EXOC6B: variants seen among roughly 807,000 people sequenced by gnomAD.
EXOC6B encodes the protein exocyst complex component 6B.
A neutral mutation model predicts 113.5 loss-of-function variants in EXOC6B; 54 were observed. That is an observed-to-expected ratio of 0.48 (90% CI 0.38 to 0.60). The LOEUF is 0.60. EXOC6B is among the 20% of genes least tolerant of loss of function. The pLI, the probability that EXOC6B is intolerant of heterozygous loss-of-function variation, is 0.00. For synonymous variants in EXOC6B, 357 were observed against 339.0 expected, an observed-to-expected ratio of 1.05 and a Z score of -0.58; for missense variants, 797 against 977.5, an observed-to-expected ratio of 0.82 and a Z score of 2.46.
chr2:72,492,288 C>T, intron 16 of EXOC6B, 30 bp downstream of exon 16: 1 of 1,399,108 alleles, frequency 7.1e-7, no homozygotes, highest in Non-Finnish European at 1.0e-6. Flanking sequence ...CACATACTGG[C>T]TCGGCTGCCT....
At chr2:72,555,294 T>C (rs1703477597) in intron 8 of EXOC6B, among the ~76,000 whole-genome samples, 1 of 152,232 alleles carries the variant, frequency 6.6e-6, no homozygotes, top group South Asian at 2.1e-4. Flanking sequence ...CTGGGTCAAA[T>C]GGTATTTCTA....
At chr2:72,647,438 C>A (rs912934719) in intron 6 of EXOC6B, among the ~76,000 whole-genome samples, 4 of 152,134 alleles carry the variant, frequency 2.6e-5, no homozygotes, top group African/African-American at 9.7e-5. Flanking sequence ...CTTTAAAGTT[C>A]ATATGGAACC....
At chr2:72,217,498 A>C (rs1680612754) in intron 20 of EXOC6B, among the ~76,000 whole-genome samples, 1 of 152,326 alleles carries the variant, frequency 6.6e-6, no homozygotes, top group African/African-American at 2.4e-5. Context: ...ACTGTGTGCA[A>C]GACTTTTTAT....
intron 8 of EXOC6B, among the ~76,000 whole-genome samples, chr2:72,522,394 T>C (rs1701540119): frequency 6.6e-6 from 1 of 152,202 alleles, no homozygotes; most frequent in Admixed American, 6.5e-5. Flanking sequence ...AATAACACAC[T>C]TCTCAGGCAA....
chr2:72,807,727 G>A (rs756818972), intron 1 of EXOC6B, among the ~76,000 whole-genome samples: 7 of 151,974 alleles, frequency 4.6e-5, no homozygotes, highest in East Asian at 1.9e-4. Context: ...ATTTATTTGC[G>A]GGATCTAAAA....
chr2:72,663,410 A>G (rs988226096), intron 6 of EXOC6B, among the ~76,000 whole-genome samples: 4 of 152,222 alleles, frequency 2.6e-5, no homozygotes, highest in Admixed American at 6.5e-5. Flanking sequence ...AGTTTTAGAA[A>G]TCGATAAAAA....
chr2:72,273,694 T>C (rs1052054780), intron 20 of EXOC6B, among the ~76,000 whole-genome samples: 4 of 152,092 alleles, frequency 2.6e-5, no homozygotes, highest in Non-Finnish European at 5.9e-5. Flanking sequence ...AAGAGAATGG[T>C]AGAAAATTAA....
chr2:72,238,268 T>C (rs1202221979), intron 20 of EXOC6B, among the ~76,000 whole-genome samples: 3 of 152,240 alleles, frequency 2.0e-5, no homozygotes, highest in Admixed American at 1.3e-4. Flanking sequence ...TGCTAAATAA[T>C]ATTTCATTGT....
chr2:72,241,897 C>T (rs1452817023), intron 20 of EXOC6B, among the ~76,000 whole-genome samples: 6 of 152,014 alleles, frequency 3.9e-5, no homozygotes, highest in Non-Finnish European at 8.8e-5. Context: ...TAATATTGGT[C>T]AGAAAAGTGG....
At chr2:72,810,649 G>A (rs1012641682) in intron 1 of EXOC6B, among the ~76,000 whole-genome samples, 10 of 151,938 alleles carry the variant, frequency 6.6e-5, no homozygotes, top group East Asian at 1.9e-4. Flanking sequence ...GAAAAACAAC[G>A]GAGAAAATCA....
At chr2:72,231,970 A>C (rs1476718308) in intron 20 of EXOC6B, among the ~76,000 whole-genome samples, 1 of 151,998 alleles carries the variant, frequency 6.6e-6, no homozygotes, top group African/African-American at 2.4e-5. Flanking sequence ...AAAGATGCAA[A>C]AAAAATTATA....
chr2:72,521,114 G>T (rs1247393693), intron 8 of EXOC6B, among the ~76,000 whole-genome samples: 1 of 152,182 alleles, frequency 6.6e-6, no homozygotes, highest in Admixed American at 6.5e-5. Flanking sequence ...GGGCCCTCAT[G>T]AATGGAATTG....
intron 18 of EXOC6B, among the ~76,000 whole-genome samples, chr2:72,458,606 G>T (rs1317400799): frequency 6.6e-6 from 1 of 152,034 alleles, no homozygotes; most frequent in Non-Finnish European, 1.5e-5. Flanking sequence ...CTGAGTGGTA[G>T]AATCAACTCT....
intron 1 of EXOC6B, among the ~76,000 whole-genome samples, chr2:72,809,391 TATC>T (rs1189331713): frequency 6.6e-6 from 1 of 151,994 alleles, no homozygotes. Context: ...GAAAATGACA[TATC>T]ATCCAAACAT....
chr2:72,805,998 TATATAA>T (rs1182179032), intron 1 of EXOC6B, among the ~76,000 whole-genome samples: 2 of 152,192 alleles, frequency 1.3e-5, no homozygotes, highest in Non-Finnish European at 2.9e-5. Context: ...TTCCACAGTA[TATATAA>T]ATATATTTTC....
intron 7 of EXOC6B, 67 bp downstream of exon 7, chr2:72,575,425 A>G: frequency 7.0e-7 from 1 of 1,423,506 alleles, no homozygotes; most frequent in Non-Finnish European, 9.5e-7. Flanking sequence ...TAAACTCTTC[A>G]TCACATCTCA....
intron 20 of EXOC6B, among the ~76,000 whole-genome samples, chr2:72,237,573 C>T (rs959073282): frequency 1.3e-5 from 2 of 152,192 alleles, no homozygotes; most frequent in Admixed American, 1.3e-4. Context: ...AAGCATGCTA[C>T]ACTTTGCTAG....
At chr2:72,640,917 T>C (rs956093812) in intron 6 of EXOC6B, among the ~76,000 whole-genome samples, 2 of 152,084 alleles carry the variant, frequency 1.3e-5, no homozygotes, top group Admixed American at 6.5e-5. Flanking sequence ...AAGGAGAAGA[T>C]CTAACTCTCC....
chr2:72,230,477 C>T (rs1370452748), intron 20 of EXOC6B, among the ~76,000 whole-genome samples: 1 of 152,138 alleles, frequency 6.6e-6, no homozygotes, highest in Non-Finnish European at 1.5e-5. Flanking sequence ...GAATTTATTT[C>T]ACCTCTATTC....
Sources: allele counts gnomAD v4.1 joint callset (sites outside exome capture counted in the v4.1 genomes callset), GRCh38; gene constraint gnomAD v4.1.1; transcripts MANE v1.5; gene names NCBI Gene and HGNC (gene_info 2026-07-23, HGNC 2026-07-21).